The following CNTNAP2 variants were observed in gnomAD, a reference collection of about 807,000 sequenced individuals.
CNTNAP2 encodes contactin associated protein 2.
Under a neutral mutation model 155.2 loss-of-function variants are expected in CNTNAP2, and 98 were observed. The observed-to-expected ratio is 0.63, with a 90% confidence interval of 0.54 to 0.75. CNTNAP2 has a LOEUF of 0.75. Among genes scored for constraint, CNTNAP2 ranks in the 30% least tolerant of loss-of-function variants. The pLI, the probability that CNTNAP2 is intolerant of heterozygous loss-of-function variation, is 0.00. For missense variants in CNTNAP2, 1,727 were observed against 1,688.1 expected, an observed-to-expected ratio of 1.02 and a Z score of -0.40; for synonymous variants, 651 against 631.2, an observed-to-expected ratio of 1.03 and a Z score of -0.47.
chr7:146,910,966 A>G (rs534187799), intron 3 of CNTNAP2, among the ~76,000 whole-genome samples: 17 of 151,362 alleles, frequency 1.1e-4, no homozygotes, highest in Admixed American at 5.9e-4. Context: ...CAAGAAAAAA[A>G]CAAACAACCC....
intron 3 of CNTNAP2, among the ~76,000 whole-genome samples, chr7:147,027,977 G>C (rs1798954698): frequency 2.0e-5 from 3 of 152,206 alleles, no homozygotes; most frequent in Admixed American, 2.0e-4. Context: ...TTAATAGAAA[G>C]TTGGAAATTC....
At chr7:147,157,719 C>A (rs954020127) in intron 8 of CNTNAP2, among the ~76,000 whole-genome samples, 33 of 152,208 alleles carry the variant, frequency 2.2e-4, no homozygotes, top group African/African-American at 7.7e-4. Context: ...AGCCCAGTGC[C>A]TGGCACAGAT....
At chr7:146,568,487 T>C (rs1482626330) in intron 1 of CNTNAP2, among the ~76,000 whole-genome samples, 3 of 152,216 alleles carry the variant, frequency 2.0e-5, no homozygotes, top group Non-Finnish European at 4.4e-5. Context: ...TGCTTAATGT[T>C]CAAATTTTAA....
intron 1 of CNTNAP2, among the ~76,000 whole-genome samples, chr7:146,410,459 T>G (rs1490452979): frequency 6.6e-6 from 1 of 152,186 alleles, no homozygotes; most frequent in Non-Finnish European, 1.5e-5. Flanking sequence ...AAATGGATAT[T>G]ATTGGAACTC....
At chr7:148,070,456 G>T (rs568459780) in intron 15 of CNTNAP2, among the ~76,000 whole-genome samples, 1 of 152,332 alleles carries the variant, frequency 6.6e-6, no homozygotes, top group East Asian at 1.9e-4. Flanking sequence ...CGTGGCTCAT[G>T]CCTGTAATCC....
chr7:148,366,298 A>G (rs1173934895), intron 21 of CNTNAP2, among the ~76,000 whole-genome samples: 3 of 150,084 alleles, frequency 2.0e-5, no homozygotes, highest in Non-Finnish European at 3.0e-5. Flanking sequence ...GTACATGTAT[A>G]TATGTATGTA....
chr7:147,984,189 C>T (rs922937174), intron 15 of CNTNAP2, among the ~76,000 whole-genome samples: 4 of 152,140 alleles, frequency 2.6e-5, no homozygotes, highest in Non-Finnish European at 5.9e-5. Flanking sequence ...TCACTCTTGT[C>T]GCCATCTTGG....
chr7:147,561,124 G>A (rs1436958386), intron 11 of CNTNAP2, among the ~76,000 whole-genome samples: 2 of 151,946 alleles, frequency 1.3e-5, no homozygotes, highest in Non-Finnish European at 2.9e-5. Context: ...TCTAATTCTA[G>A]GACCATGCAA....
At chr7:146,843,644 T>A (rs726749) in intron 3 of CNTNAP2, among the ~76,000 whole-genome samples, 5,576 of 149,998 alleles carry the variant, frequency 0.037, 341 homozygotes, top group African/African-American at 0.13. Flanking sequence ...TCTAAAAGAG[T>A]TAAAGTTCGT....
rs1563077659 is a variant in CNTNAP2, at chr7:148,409,825, G to GAGAATTTCTTGAAC, written c.3796+354_3796+355insAGAATTTCTTGAAC. Among the ~76,000 whole-genome samples the GAGAATTTCTTGAAC allele has an allele frequency of 1.4e-3, 136 of 94,510 alleles. 2 individuals are homozygous for GAGAATTTCTTGAAC. Among genetic ancestry groups the GAGAATTTCTTGAAC allele is most frequent in the South Asian group, 2.6e-3 (7 of 2,672 alleles). The allele number at this position is 94,510 out of a possible 152,430, so 62.0% of individuals were successfully genotyped here. On this transcript the variant is annotated intron_variant, in intron 23 of 23. Coordinates refer to ENST00000361727, the MANE Select transcript of CNTNAP2 (RefSeq NM_014141.6). The stretch of plus-strand genomic sequence containing the variant: ...CCAGCACTTTGGGAGGCCGAGGCGG[G>GAGAATTTCTTGAAC]CGGATCACAAGGTCAGGAGATCGAG...
At position 147,116,688 on chromosome 7, in the gene CNTNAP2, A is replaced by T. The variant is rs73471025; in HGVS notation, c.755-4291A>T. 8.4e-3 allele frequency among the ~76,000 whole-genome samples: 1,282 copies of T among 152,070 alleles called. 15 individuals are homozygous for T. Among genetic ancestry groups the T allele is most frequent in the African/African-American group, 0.03 (1,231 of 41,476 alleles). Reference sequence around the variant, plus strand: ...GTGGAATGACTGAATTGTCCAAACAACCCAGGTGGTGACCCTCCCCTCCCT... The same window carrying T: ...GTGGAATGACTGAATTGTCCAAACATCCCAGGTGGTGACCCTCCCCTCCCT... On this transcript the variant is annotated intron_variant, in intron 5 of 23. Transcript: ENST00000361727.
At chr7:146,893,188 C>CAGT (rs1161263919) in intron 3 of CNTNAP2, among the ~76,000 whole-genome samples, 1 of 151,936 alleles carries the variant, frequency 6.6e-6, no homozygotes, top group African/African-American at 2.4e-5. Context: ...TACCTAAAAC[C>CAGT]AGTATATAAT....
At chr7:147,718,126 G>GT (rs1275594695) in intron 13 of CNTNAP2, among the ~76,000 whole-genome samples, 2 of 152,040 alleles carry the variant, frequency 1.3e-5, no homozygotes, top group African/African-American at 2.4e-5. Flanking sequence ...ATGATTAATT[G>GT]TAATTAAATG....
chr7:146,326,873 G>A (rs1801106284), intron 1 of CNTNAP2, among the ~76,000 whole-genome samples: 1 of 152,050 alleles, frequency 6.6e-6, no homozygotes, highest in Non-Finnish European at 1.5e-5. Context: ...TCTTATGGAA[G>A]GAAATTCACA....
intron 3 of CNTNAP2, among the ~76,000 whole-genome samples, chr7:146,876,854 C>T (rs925423949): frequency 6.6e-6 from 1 of 152,162 alleles, no homozygotes; most frequent in South Asian, 2.1e-4. Context: ...GGAGGAAATG[C>T]ACATTTTTTC....
At chr7:147,590,320 A>G (rs1800713497) in intron 12 of CNTNAP2, among the ~76,000 whole-genome samples, 1 of 152,074 alleles carries the variant, frequency 6.6e-6, no homozygotes, top group Non-Finnish European at 1.5e-5. Flanking sequence ...AATTGTAATA[A>G]TCCCAATGCA....
At chr7:148,122,076 G>A (rs138520052) in intron 16 of CNTNAP2, among the ~76,000 whole-genome samples, 6 of 152,252 alleles carry the variant, frequency 3.9e-5, no homozygotes, top group Non-Finnish European at 7.4e-5. Flanking sequence ...CGTTCCAGGC[G>A]TTTTACGTGA....
chr7:147,865,744 G>C (rs111521796), intron 13 of CNTNAP2, among the ~76,000 whole-genome samples: 2 of 152,066 alleles, frequency 1.3e-5, no homozygotes, highest in African/African-American at 4.8e-5. Flanking sequence ...GCTAATGATA[G>C]TTTTTATTTC....
At chr7:147,388,935 A>G (rs1796666067) in intron 9 of CNTNAP2, among the ~76,000 whole-genome samples, 1 of 152,076 alleles carries the variant, frequency 6.6e-6, no homozygotes, top group South Asian at 2.1e-4. Flanking sequence ...ACTATCCTCC[A>G]TGTATTTACT....
Sources: gnomAD v4.1 joint callset for allele counts (sites outside exome capture counted in the v4.1 genomes callset) on GRCh38, gnomAD v4.1.1 for gene constraint, MANE v1.5 for transcripts, NCBI Gene and HGNC (gene_info 2026-07-23, HGNC 2026-07-21) for gene names.